Variants in SNX9 observed in about 807,000 individuals in gnomAD.
SNX9 encodes sorting nexin-9.
In SNX9, 44 loss-of-function variants were observed where a neutral mutation model predicts 89.4. That is an observed-to-expected ratio of 0.49 (90% CI 0.39 to 0.63). The LOEUF is 0.63. Ranked by LOEUF, SNX9 falls within the 30% of genes least tolerant of loss-of-function variation. The probability of loss-of-function intolerance (pLI) is 0.00; values close to 1 mark genes in which losing one functional copy is unlikely to be tolerated. For synonymous variants in SNX9, 236 were observed against 247.8 expected (o/e 0.95, Z 0.45); for missense variants, 578 against 736.1 (o/e 0.79, Z 2.49).
At chr6:157,933,737 A>G (rs534442899) in intron 13 of SNX9, among the ~76,000 whole-genome samples, 1 of 152,258 alleles carries the variant, frequency 6.6e-6, no homozygotes, top group South Asian at 2.1e-4. Flanking sequence ...ACAGGGTGAG[A>G]AGATTTGTCC....
At position 157,898,330 on chromosome 6, in the gene SNX9, C is replaced by A. The variant is rs149720565; in HGVS notation, c.472+1332C>A. On this transcript the variant is annotated intron_variant, in intron 5 of 17. Coordinates refer to ENST00000392185, the MANE Select transcript of SNX9 (RefSeq NM_016224.5). The stretch of plus-strand genomic sequence containing the variant: ...AAACGCTGGGTTGGTAAAGTAAAAG[C>A]AGAATGGGCGGTGGAGGCTGCAGAA... Among the ~76,000 whole-genome samples the A allele has an allele frequency of 1.2e-3, 188 of 152,314 alleles. 2 individuals carry two copies. Among genetic ancestry groups the A allele is most frequent in the African/African-American group, 4.2e-3 (176 of 41,570 alleles).
intron 1 of SNX9, among the ~76,000 whole-genome samples, chr6:157,835,390 C>T (rs968544255): frequency 6.6e-6 from 1 of 150,684 alleles, no homozygotes; most frequent in African/African-American, 2.4e-5. Flanking sequence ...AAGTTTTCAG[C>T]CTTTAAAAAC....
intron 3 of SNX9, 70 bp downstream of exon 3, chr6:157,873,246 TA>T: frequency 7.6e-7 from 1 of 1,313,760 alleles, no homozygotes; most frequent in East Asian, 2.5e-5. Flanking sequence ...ATTATCAACT[TA>T]CAAGAAGTCA....
At chr6:157,881,968 A>G (rs1035261445) in intron 4 of SNX9, among the ~76,000 whole-genome samples, 10 of 152,216 alleles carry the variant, frequency 6.6e-5, no homozygotes, top group Admixed American at 1.3e-4. Flanking sequence ...GCTGCACTAA[A>G]CAGATTTTCA....
chr6:157,936,313 T>A (rs1459730435), intron 14 of SNX9, among the ~76,000 whole-genome samples: 1 of 152,084 alleles, frequency 6.6e-6, no homozygotes, highest in Non-Finnish European at 1.5e-5. Flanking sequence ...ATCTCTTGAG[T>A]CCAGGAGTTC....
chr6:157,909,572 T>G (rs1354917968), intron 7 of SNX9, 93 bp from the exon 8 acceptor site: 4 of 1,475,742 alleles, frequency 2.7e-6, no homozygotes, highest in African/African-American at 1.4e-5. Context: ...AAAGGACTTC[T>G]CATTCTGAAA....
chr6:157,891,386 A>G (rs747604942), intron 4 of SNX9, among the ~76,000 whole-genome samples: 3 of 152,160 alleles, frequency 2.0e-5, no homozygotes, highest in Admixed American at 6.5e-5. Flanking sequence ...GATCGACCAC[A>G]ACAAGTTAAT....
intron 13 of SNX9, among the ~76,000 whole-genome samples, chr6:157,933,015 A>G (rs1158965515): frequency 6.6e-6 from 1 of 152,094 alleles, no homozygotes. Context: ...TATCTTACCC[A>G]GGGATCCCTT....
Position 157,936,004 on chromosome 6 carries a change from G to A in SNX9, c.1407G>A (p.Lys469=). 6.2e-7 allele frequency: 1 copy of A among 1,612,732 alleles called. No homozygotes were observed. The stretch of plus-strand genomic sequence containing the variant: ...ATGATGCAATAACAGAAGCAGGAAA[G>A]ACTTATGAAGAAATTGCCAGTCTCG... ...DLNDAITEAG[K]TYEEIASLVA... is the part of the protein sequence containing the mutation. The change falls in exon 14 of 18, where the codon AAG becomes AAA. Residue 469 remains lysine (K), a synonymous_variant. Coordinates refer to ENST00000392185, the MANE Select transcript of SNX9 (RefSeq NM_016224.5).
chr6:157,927,146 T>A lies in SNX9; in HGVS notation c.1116T>A (p.Asp372Glu), dbSNP rs770425010. 6.2e-7 allele frequency: 1 copy of A among 1,614,026 alleles called. No individual in the cohort carries two copies. The highest frequency in any genetic ancestry group is 1.7e-5 in the Admixed American group (1 of 60,018). ...WKTGKRKAER[D>E]ELAGVMIFST... ...CTGGAAAGAGGAAGGCCGAGAGAGA[T>A]GAGCTGGCGGGAGTCATGATATTTT... is the stretch of plus-strand genomic sequence containing the variant. The change falls in exon 11 of 18, where the codon GAT becomes GAA. Residue 372 changes from aspartate to glutamate, a missense_variant. Asp to Glu is a conservative substitution (Grantham distance 45, BLOSUM62 2). Coordinates refer to ENST00000392185, the MANE Select transcript of SNX9 (RefSeq NM_016224.5).
chr6:157,862,155 C>T lies in SNX9; in HGVS notation c.13-5392C>T, dbSNP rs144438851. ...ATAGCAGTTCACTGAAACCGAGGAA[C>T]GTGAAACTGTGGAGGAGGGACTACT... On this transcript the variant is annotated intron_variant, in intron 1 of 17. Transcript: ENST00000392185. 2.2e-4 allele frequency among the ~76,000 whole-genome samples: 33 copies of T among 152,290 alleles called. No individual in the cohort carries two copies. In the East Asian group the frequency reaches 4.8e-3, roughly 22 times the overall value.
chr6:157,870,944 TCACA>T (rs1782395731), intron 2 of SNX9, among the ~76,000 whole-genome samples: 3 of 152,240 alleles, frequency 2.0e-5, no homozygotes, highest in Non-Finnish European at 4.4e-5. Flanking sequence ...ACTCGCATGC[TCACA>T]CAGAGCTCCT....
intron 1 of SNX9, among the ~76,000 whole-genome samples, chr6:157,825,294 A>G (rs929527652): frequency 6.6e-6 from 1 of 152,202 alleles, no homozygotes; most frequent in African/African-American, 2.4e-5. Flanking sequence ...AAGACGGTTT[A>G]TGACATAGAG....
In SNX9 at chr6:157,936,183, A is replaced by T. The variant is rs192099022; in HGVS notation, c.1443+143A>T. 31 of 626,180 alleles carry T rather than the reference A, an allele frequency of 5.0e-5. No homozygotes were observed. In the East Asian group the frequency reaches 9.6e-4, roughly 19 times the overall value. 38.8% of individuals were successfully genotyped at this position (626,180 alleles called of 1,614,324 possible). A position where few individuals can be genotyped will look rare whatever the true frequency, so the allele number is the denominator to read the frequency against. The stretch of plus-strand genomic sequence containing the variant: ...TGTGTATCTTTTTTAATTGTGTTTA[A>T]TCATGGTTTCTTAGGTTAAGACAAA... On this transcript the variant is annotated intron_variant, in intron 14 of 17. Transcript: ENST00000392185.
intron 12 of SNX9, among the ~76,000 whole-genome samples, chr6:157,931,262 T>C (rs1783806138): frequency 6.6e-6 from 1 of 151,914 alleles, no homozygotes; most frequent in African/African-American, 2.4e-5. Flanking sequence ...GTACAATTTA[T>C]TAAAATTAAC....
intron 4 of SNX9, among the ~76,000 whole-genome samples, chr6:157,878,910 A>C (rs1782571496): frequency 2.1e-5 from 3 of 145,342 alleles, no homozygotes; most frequent in Admixed American, 2.0e-4. Context: ...AAAGTGTATA[A>C]ACAGGCTGTC....
At chr6:157,892,432 T>C (rs910988774) in intron 4 of SNX9, among the ~76,000 whole-genome samples, 4 of 151,346 alleles carry the variant, frequency 2.6e-5, no homozygotes, top group African/African-American at 9.7e-5. Flanking sequence ...AAATGTGTTA[T>C]CAGCAGGAGT....
rs59317121 is a variant in SNX9 at position 157,826,916 on chromosome 6, A to AC, written c.12+3470_12+3471insC. Among the ~76,000 whole-genome samples, 3 of 13,144 alleles carry AC rather than the reference A, an allele frequency of 2.3e-4. No homozygotes were observed. The East Asian group carries it at 5.1e-3, about 22-fold the overall frequency. The allele number at this position is 13,144 out of a possible 152,430, so 8.6% of individuals were successfully genotyped here. On this transcript the variant is annotated intron_variant, in intron 1 of 17. Coordinates refer to ENST00000392185, the MANE Select transcript of SNX9 (RefSeq NM_016224.5). ...ATATTATAGTTTATATAATATATAA[A>AC]ATATATTATAGTTTATATAATATAT...
At chr6:157,849,037 A>T (rs1583198167) in intron 1 of SNX9, among the ~76,000 whole-genome samples, 2 of 152,324 alleles carry the variant, frequency 1.3e-5, no homozygotes, top group South Asian at 2.1e-4. Flanking sequence ...ACTTGAGCCC[A>T]GAAGTTTGAG....
Sources: allele counts gnomAD v4.1 joint callset (sites outside exome capture counted in the v4.1 genomes callset), GRCh38; gene constraint gnomAD v4.1.1; transcripts MANE v1.5; gene names NCBI Gene and HGNC (gene_info 2026-07-23, HGNC 2026-07-21).